Variants in INSC observed in about 807,000 individuals in gnomAD.
INSC encodes the protein INSC spindle orientation adaptor protein.
Under a neutral mutation model 58.6 loss-of-function variants are expected in INSC, and 67 were observed. That is an observed-to-expected ratio of 1.14 (90% confidence interval 0.94 to 1.40). INSC has a LOEUF of 1.40. Ranked by LOEUF, INSC falls within the 40% of genes most tolerant of loss-of-function variation. The pLI is 0.00. For synonymous variants in INSC, 262 were observed against 276.1 expected, an observed-to-expected ratio of 0.95 and a Z score of 0.51; for missense variants, 714 against 692.0, an observed-to-expected ratio of 1.03 and a Z score of -0.36.
intron 1 of INSC, among the ~76,000 whole-genome samples, chr11:15,125,177 T>A (rs900272758): frequency 1.6e-4 from 24 of 152,118 alleles, no homozygotes; most frequent in African/African-American, 5.3e-4. Context: ...GGAAGCTATG[T>A]GAATACTTGT....
chr11:15,254,206 G>A, the INSC span, among the ~76,000 whole-genome samples: 1 of 152,088 alleles, frequency 6.6e-6, no homozygotes, highest in African/African-American at 2.4e-5. Context: ...ACTGTTGTGG[G>A]ATAGAATCCA....
chr11:15,172,284 A>G (rs1470875993), intron 2 of INSC, among the ~76,000 whole-genome samples: 4 of 152,068 alleles, frequency 2.6e-5, no homozygotes, highest in Admixed American at 6.5e-5. Context: ...CATCTTTAAT[A>G]ACTCCTTTTC....
chr11:15,122,231 C>T (rs1303080120), intron 1 of INSC, among the ~76,000 whole-genome samples: 1 of 152,096 alleles, frequency 6.6e-6, no homozygotes, highest in Non-Finnish European at 1.5e-5. Flanking sequence ...GGTAGGAATA[C>T]TTTAGATTGG....
chr11:15,235,698 G>A (rs751571299), intron 10 of INSC, 30 bp downstream of exon 10: 2 of 1,569,366 alleles, frequency 1.3e-6, no homozygotes, highest in Non-Finnish European at 1.8e-6. Context: ...TACATGTTAT[G>A]TGGATTATCT....
chr11:15,230,000 TATATATATATATAATATATATA>T (rs1851844189), intron 9 of INSC, among the ~76,000 whole-genome samples: 1 of 25,130 alleles, frequency 4.0e-5, no homozygotes, highest in African/African-American at 1.7e-4. Context: ...TATATATATA[TATATATATATATAATATATATA>T]TATATATATA....
At chr11:15,198,221 A>T (rs1251111030) in intron 6 of INSC, among the ~76,000 whole-genome samples, 1 of 152,120 alleles carries the variant, frequency 6.6e-6, no homozygotes, top group African/African-American at 2.4e-5. Flanking sequence ...GTACTAACTC[A>T]ATTGCACCCC....
chr11:15,156,842 T>C (rs1590373347), intron 2 of INSC, among the ~76,000 whole-genome samples: 2 of 152,214 alleles, frequency 1.3e-5, no homozygotes, highest in Admixed American at 6.5e-5. Flanking sequence ...TGAGGAAATA[T>C]AGTAGGAAGA....
At chr11:15,160,431 A>G (rs1055236845) in intron 2 of INSC, among the ~76,000 whole-genome samples, 2 of 152,152 alleles carry the variant, frequency 1.3e-5, no homozygotes, top group Non-Finnish European at 2.9e-5. Context: ...CTCAGAGATG[A>G]CAAGTGTCAT....
At chr11:15,185,619 T>C (rs1182486578) in intron 5 of INSC, among the ~76,000 whole-genome samples, 1 of 152,048 alleles carries the variant, frequency 6.6e-6, no homozygotes, top group African/African-American at 2.4e-5. Context: ...ACTTTAAAAC[T>C]TAAATATATT....
intron 7 of INSC, among the ~76,000 whole-genome samples, chr11:15,215,042 A>G (rs35579110): frequency 0.011 from 1,691 of 152,276 alleles, 18 homozygotes; most frequent in Middle Eastern, 0.034. Flanking sequence ...GACAATTTCC[A>G]TGCTGTTCCT....
At position 15,135,359 on chromosome 11, in the gene INSC, G is replaced by T. The variant is rs865795631; in HGVS notation, c.-45-13771G>T. On this transcript the variant is annotated intron_variant, in intron 1 of 12. Transcript: ENST00000379556. ...CCATTCTGTGCCCCAGATAGATGTG[G>T]ATCATGTGGCCCATGTACCTTATAC... is the stretch of plus-strand genomic sequence containing the variant. Among the ~76,000 whole-genome samples the T allele has an allele frequency of 9.2e-5, 14 of 152,320 alleles. No individual in the cohort carries two copies. In the East Asian group the frequency reaches 2.7e-3, roughly 29 times the overall value.
intron 12 of INSC, among the ~76,000 whole-genome samples, chr11:15,242,779 C>T (rs1852405209): frequency 1.3e-5 from 2 of 152,214 alleles, no homozygotes; most frequent in African/African-American, 4.8e-5. Flanking sequence ...GAGTACACAG[C>T]ATGAACCTGA....
intron 7 of INSC, among the ~76,000 whole-genome samples, chr11:15,204,196 T>C (rs559799745): frequency 7.9e-5 from 12 of 152,242 alleles, no homozygotes; most frequent in Non-Finnish European, 1.8e-4. Flanking sequence ...AAGTCATTTA[T>C]TCCTTGCCAT....
At chr11:15,132,201 A>T (rs1460731715) in intron 1 of INSC, among the ~76,000 whole-genome samples, 1 of 152,248 alleles carries the variant, frequency 6.6e-6, no homozygotes, top group South Asian at 2.1e-4. Context: ...GAGCACTTTA[A>T]ATAGCTTTAG....
intron 4 of INSC, among the ~76,000 whole-genome samples, chr11:15,177,664 A>C (rs1849620218): frequency 6.6e-6 from 1 of 152,184 alleles, no homozygotes; most frequent in Non-Finnish European, 1.5e-5. Flanking sequence ...TTATACTCAG[A>C]TATGTACACA....
intron 1 of INSC, among the ~76,000 whole-genome samples, chr11:15,134,348 GA>G (rs1257246155): frequency 6.6e-6 from 1 of 152,070 alleles, no homozygotes; most frequent in East Asian, 1.9e-4. Context: ...GTTAAAATAT[GA>G]AAAAAAGATA....
chr11:15,172,401 C>T (rs117641978), intron 2 of INSC, among the ~76,000 whole-genome samples: 4 of 152,170 alleles, frequency 2.6e-5, no homozygotes, highest in Non-Finnish European at 4.4e-5. Context: ...CACTTGGCCA[C>T]TCAACAATGG....
chr11:15,153,788 G>A (rs1462701183), intron 2 of INSC, among the ~76,000 whole-genome samples: 2 of 152,276 alleles, frequency 1.3e-5, no homozygotes, highest in South Asian at 2.1e-4. Flanking sequence ...GTTCATCTAT[G>A]CCATCCCTTC....
the INSC span, among the ~76,000 whole-genome samples, chr11:15,266,692 C>T: frequency 6.6e-6 from 1 of 151,948 alleles, no homozygotes; most frequent in African/African-American, 2.4e-5. Flanking sequence ...AGCACACATA[C>T]AAAGTGGAAA....
Sources: allele counts gnomAD v4.1 joint callset (sites outside exome capture counted in the v4.1 genomes callset), GRCh38; gene constraint gnomAD v4.1.1; transcripts MANE v1.5; gene names NCBI Gene and HGNC (gene_info 2026-07-23, HGNC 2026-07-21).